The following GCH1 variants were observed in gnomAD, a reference collection of about 807,000 sequenced individuals.
The protein encoded by GCH1 is GTP cyclohydrolase I.
In GCH1, 5 loss-of-function variants were observed where a neutral mutation model predicts 25.9. The observed-to-expected ratio is 0.19, with a 90% confidence interval of 0.10 to 0.41. The LOEUF is 0.41. GCH1 is among the 10% of genes least tolerant of loss of function. GCH1 has a pLI of 1.00. For synonymous variants in GCH1, 159 were observed against 129.6 expected, an observed-to-expected ratio of 1.23 and a Z score of -1.54; for missense variants, 261 against 336.5, an observed-to-expected ratio of 0.78 and a Z score of 1.75.
intron 2 of GCH1, among the ~76,000 whole-genome samples, chr14:54,861,176 G>A (rs181725184): frequency 6.6e-6 from 1 of 152,264 alleles, no homozygotes; most frequent in East Asian, 1.9e-4. Flanking sequence ...AGTACTTAGT[G>A]ATTTTTTCCC....
rs934749060 is a variant in GCH1, at chr14:54,843,634, A to C, written c.*383T>G. The C allele has an allele frequency of 1.0e-5, 15 of 1,503,428 alleles. No individual in the cohort carries two copies. The African/African-American group carries it at 2.1e-4, about 21-fold the overall frequency. The allele number at this position is 1,503,428 out of a possible 1,614,324, so 93.1% of individuals were successfully genotyped here. ...CCACTTTTATTGGAGGAAGAAAAAAAACAGTATACTGGGCACAGTTCCCTC... is the reference window on the plus strand; with the variant it reads ...CCACTTTTATTGGAGGAAGAAAAAACACAGTATACTGGGCACAGTTCCCTC... On this transcript the variant is annotated 3_prime_UTR_variant, in exon 6 of 6. Coordinates refer to ENST00000491895, the MANE Select transcript of GCH1 (RefSeq NM_000161.3).
At chr14:54,868,851 C>A (rs986291046) in intron 1 of GCH1, among the ~76,000 whole-genome samples, 1 of 151,838 alleles carries the variant, frequency 6.6e-6, no homozygotes, top group Non-Finnish European at 1.5e-5. Flanking sequence ...CCACCCGCCT[C>A]AGCCTCCCAA....
intron 1 of GCH1, among the ~76,000 whole-genome samples, chr14:54,900,453 C>T (rs569935834): frequency 6.6e-6 from 1 of 152,122 alleles, no homozygotes; most frequent in Non-Finnish European, 1.5e-5. Context: ...CTCAGGTGAT[C>T]CGCCCACCTC....
intron 1 of GCH1, among the ~76,000 whole-genome samples, chr14:54,900,890 A>ACAC (rs2040557447): frequency 8.3e-6 from 1 of 120,058 alleles, no homozygotes; most frequent in Non-Finnish European, 1.9e-5. Flanking sequence ...CACACACACA[A>ACAC]ATTTAAAGCC....
At chr14:54,879,725 C>T (rs140328333) in intron 1 of GCH1, among the ~76,000 whole-genome samples, 42 of 152,122 alleles carry the variant, frequency 2.8e-4, no homozygotes, top group African/African-American at 8.4e-4. Context: ...TGAGGCCGGT[C>T]GCAGTGGCTC....
Position 54,851,594 on chromosome 14 carries a change from T to C in GCH1, c.510-4464A>G, listed in dbSNP as rs541129077. Among the ~76,000 whole-genome samples the C allele has an allele frequency of 8.5e-5, 13 of 152,286 alleles. No individual in the cohort carries two copies. The East Asian group carries it at 2.1e-3, about 25-fold the overall frequency. On this transcript the variant is annotated intron_variant, in intron 3 of 5. Transcript: ENST00000491895. ...AACAGACACTTCTCAAAAGAAGACA[T>C]TTATGCAGCCAACAGACACACGAAA...
At chr14:54,848,551 C>T (rs2039679341) in intron 3 of GCH1, among the ~76,000 whole-genome samples, 1 of 152,108 alleles carries the variant, frequency 6.6e-6, no homozygotes, top group Admixed American at 6.6e-5. Flanking sequence ...AATTCATGGC[C>T]TTTTGATCAT....
intron 3 of GCH1, among the ~76,000 whole-genome samples, chr14:54,857,809 A>G (rs1391467120): frequency 1.3e-5 from 2 of 152,220 alleles, no homozygotes; most frequent in African/African-American, 4.8e-5. Context: ...CCCAATCACT[A>G]CCAACACACT....
intron 2 of GCH1, among the ~76,000 whole-genome samples, chr14:54,864,782 C>T (rs2039967285): frequency 2.0e-5 from 3 of 152,070 alleles, no homozygotes; most frequent in African/African-American, 4.8e-5. Flanking sequence ...ACATTTCTGA[C>T]AAAAGAAATT....
At chr14:54,863,231 A>T (rs1351511459) in intron 2 of GCH1, among the ~76,000 whole-genome samples, 1 of 151,902 alleles carries the variant, frequency 6.6e-6, no homozygotes, top group South Asian at 2.1e-4. Context: ...CATCCTGGCT[A>T]ACACCGTGAA....
At chr14:54,884,525 T>G (rs2040318884) in intron 1 of GCH1, among the ~76,000 whole-genome samples, 1 of 152,036 alleles carries the variant, frequency 6.6e-6, no homozygotes, top group Non-Finnish European at 1.5e-5. Flanking sequence ...ATCCCAGCAC[T>G]TTGGGAGGCC....
chr14:54,877,844 G>A (rs1287936463), intron 1 of GCH1, among the ~76,000 whole-genome samples: 6 of 152,134 alleles, frequency 3.9e-5, no homozygotes, highest in South Asian at 2.1e-4. Context: ...CCAGACTCCC[G>A]CTGTGGGCCT....
At chr14:54,858,555 G>A (rs1254906620) in intron 3 of GCH1, among the ~76,000 whole-genome samples, 1 of 151,790 alleles carries the variant, frequency 6.6e-6, no homozygotes, top group Non-Finnish European at 1.5e-5. Flanking sequence ...CAAAGTGCTG[G>A]GATTACAAGT....
Position 54,884,921 on chromosome 14 carries a change from A to G in GCH1, c.343+17400T>C, listed in dbSNP as rs143834720. 406 of 161,104 alleles carry G rather than the reference A, an allele frequency of 2.5e-3. 1 individual carries two copies. Among genetic ancestry groups the G allele is most frequent in the South Asian group, 7.1e-3 (42 of 5,904 alleles). 10.0% of individuals were successfully genotyped at this position (161,104 alleles called of 1,614,324 possible). A position where few individuals can be genotyped will look rare whatever the true frequency, so the allele number is the denominator to read the frequency against. On this transcript the variant is annotated intron_variant, in intron 1 of 5. Transcript: ENST00000491895. ...GGGCAGTGGTGCAACACACTGCTCAATGAGACCCATAAGGTGGCTGTAACC... is the reference window on the plus strand; with the variant it reads ...GGGCAGTGGTGCAACACACTGCTCAGTGAGACCCATAAGGTGGCTGTAACC...
rs1216579821 is a variant in GCH1, at chr14:54,859,688, G to A, written c.502C>T (p.Leu168Phe). The A allele has an allele frequency of 6.3e-6, 10 of 1,588,800 alleles. No homozygotes were observed. Among genetic ancestry groups the A allele is most frequent in the Non-Finnish European group, 7.8e-6 (9 of 1,156,998 alleles). The change falls in exon 3 of 6, where the codon CTT becomes TTT. Residue 168 changes from leucine to phenylalanine, a missense_variant. Physicochemically the swap from Leu to Phe is conservative, Grantham distance 22. Coordinates refer to ENST00000491895, the MANE Select transcript of GCH1 (RefSeq NM_000161.3). ...CTGCACAGTCACACTTACCTCGCAA[G>A]TTTGCTGAGGCCAAGGACTTGCTTG... ...PNKQVLGLSK[L>F]ARIVEIYSRR...
chr14:54,855,118 T>C (rs1456803153), intron 3 of GCH1, among the ~76,000 whole-genome samples: 1 of 152,214 alleles, frequency 6.6e-6, no homozygotes, highest in Non-Finnish European at 1.5e-5. Flanking sequence ...ATGAATTGTA[T>C]TAATCAAAGA....
intron 3 of GCH1, among the ~76,000 whole-genome samples, chr14:54,851,541 C>T (rs912831321): frequency 1.1e-4 from 16 of 152,142 alleles, no homozygotes; most frequent in African/African-American, 3.4e-4. Context: ...TATCAAACAA[C>T]CCCATCAAAA....
chr14:54,897,564 C>G (rs2040505933), intron 1 of GCH1, among the ~76,000 whole-genome samples: 1 of 152,146 alleles, frequency 6.6e-6, no homozygotes, highest in Admixed American at 6.6e-5. Flanking sequence ...GCTGGGATTA[C>G]AGGCGTGAGC....
intron 1 of GCH1, among the ~76,000 whole-genome samples, chr14:54,884,084 C>G (rs1487777843): frequency 1.3e-5 from 2 of 152,182 alleles, no homozygotes; most frequent in Non-Finnish European, 2.9e-5. Flanking sequence ...ATAAAGTTTT[C>G]ATAGTTCTGA....
Sources: allele counts gnomAD v4.1 joint callset (sites outside exome capture counted in the v4.1 genomes callset), GRCh38; gene constraint gnomAD v4.1.1; transcripts MANE v1.5; gene names NCBI Gene and HGNC (gene_info 2026-07-23, HGNC 2026-07-21).